The following SLC12A8 variants were observed in gnomAD, a reference collection of about 807,000 sequenced individuals.
SLC12A8 encodes the protein solute carrier family 12 member 8.
Under a neutral mutation model 75.6 loss-of-function variants are expected in SLC12A8, and 69 were observed. That is an observed-to-expected ratio of 0.91 (90% confidence interval 0.75 to 1.11). SLC12A8 has a LOEUF of 1.11. SLC12A8 is among the 50% of genes most tolerant of loss of function. The pLI is 0.00. For missense variants in SLC12A8, 877 were observed against 896.7 expected, an observed-to-expected ratio of 0.98 and a Z score of 0.28; for synonymous variants, 365 against 372.8, an observed-to-expected ratio of 0.98 and a Z score of 0.24.
At position 125,107,586 on chromosome 3, in the gene SLC12A8, AG is replaced by A; in HGVS notation, c.1599del (p.Cys534AlafsTer39). On this transcript the variant is annotated frameshift_variant, in exon 10 of 14. Coordinates refer to ENST00000469902, the MANE Select transcript of SLC12A8 (RefSeq NM_024628.6). LOFTEE classifies it high-confidence loss of function. ...LPAASWEGQE[S>X]CWNKQTSKSE... ...CTCTTGGAAGTCTGCTTGTTCCAGC[AG>A]GACTCCTGCCCCTCCCAGGAGGCAG... is the stretch of plus-strand genomic sequence containing the variant. 2 of 1,614,206 alleles carry A rather than the reference AG, an allele frequency of 1.2e-6. No individual in the cohort carries two copies. Among genetic ancestry groups the A allele is most frequent in the South Asian group, 1.1e-5 (1 of 91,084 alleles).
chr3:125,182,585 C>T lies in SLC12A8; in HGVS notation c.391-4611G>A, dbSNP rs533633573. Among the ~76,000 whole-genome samples the T allele has an allele frequency of 1.9e-3, 284 of 151,566 alleles. 1 individual carries two copies. Among genetic ancestry groups the T allele is most frequent in the African/African-American group, 6.6e-3 (273 of 41,278 alleles). ...GCAGCGGCGTGATCTCAGTTCACTGCAACCTCTGCCTCCTGGGTTCAAGTG... is the reference window on the plus strand; with the variant it reads ...GCAGCGGCGTGATCTCAGTTCACTGTAACCTCTGCCTCCTGGGTTCAAGTG... On this transcript the variant is annotated intron_variant, in intron 4 of 13. Transcript: ENST00000469902.
intron 5 of SLC12A8, among the ~76,000 whole-genome samples, chr3:125,140,697 CTT>C (rs71625781): frequency 4.7e-5 from 7 of 148,052 alleles, no homozygotes; most frequent in African/African-American, 1.5e-4. Context: ...CAGGAATTTC[CTT>C]TTTTTTTTTC....
chr3:125,106,727 C>T (rs747996853), intron 10 of SLC12A8, among the ~76,000 whole-genome samples: 7 of 152,130 alleles, frequency 4.6e-5, no homozygotes, highest in Non-Finnish European at 1.0e-4. Flanking sequence ...GTATATAGCT[C>T]CAGGGAGAGC....
chr3:125,107,294 T>C (rs895885396), intron 10 of SLC12A8, among the ~76,000 whole-genome samples, 187 bp downstream of exon 10: 5 of 152,254 alleles, frequency 3.3e-5, no homozygotes, highest in Non-Finnish European at 7.3e-5. Context: ...TAAAATTAAC[T>C]ATCTATAACA....
chr3:125,121,128 C>T (rs749322131), intron 6 of SLC12A8, among the ~76,000 whole-genome samples: 13 of 152,294 alleles, frequency 8.5e-5, no homozygotes, highest in Non-Finnish European at 1.5e-4. Context: ...CCTGTGTCCT[C>T]GGGGTCAGGT....
chr3:125,105,962 G>A (rs1939011437), intron 10 of SLC12A8, among the ~76,000 whole-genome samples: 1 of 152,180 alleles, frequency 6.6e-6, no homozygotes, highest in African/African-American at 2.4e-5. Context: ...CCCGGGAGGT[G>A]GAGGTTGCAG....
chr3:125,170,784 G>A (rs184440306), intron 5 of SLC12A8, among the ~76,000 whole-genome samples: 5 of 152,252 alleles, frequency 3.3e-5, no homozygotes, highest in Admixed American at 2.0e-4. Context: ...GCATGGTGGC[G>A]GGCGCCTGTA....
At chr3:125,116,641 C>T (rs1231071398) in intron 8 of SLC12A8, among the ~76,000 whole-genome samples, 1 of 152,192 alleles carries the variant, frequency 6.6e-6, no homozygotes, top group Non-Finnish European at 1.5e-5. Context: ...CTACTCTGAT[C>T]ATTCCCTTGA....
At chr3:125,209,215 C>T (rs1935289698) in intron 2 of SLC12A8, among the ~76,000 whole-genome samples, 1 of 152,196 alleles carries the variant, frequency 6.6e-6, no homozygotes. Context: ...ATCTGGGTGG[C>T]TTTGCTTATA....
At chr3:125,103,237 G>A (rs938045555) in intron 10 of SLC12A8, among the ~76,000 whole-genome samples, 1 of 151,944 alleles carries the variant, frequency 6.6e-6, no homozygotes, top group Admixed American at 6.6e-5. Flanking sequence ...CCTGTTCCCA[G>A]AATGCCCGTA....
chr3:125,149,181 G>A (rs548365801), intron 5 of SLC12A8, among the ~76,000 whole-genome samples: 4 of 152,364 alleles, frequency 2.6e-5, no homozygotes, highest in East Asian at 1.9e-4. Flanking sequence ...GAGTCACAGA[G>A]TGGGAGCAGA....
intron 6 of SLC12A8, among the ~76,000 whole-genome samples, chr3:125,130,519 G>C (rs372227851): frequency 2.0e-5 from 3 of 151,990 alleles, no homozygotes; most frequent in East Asian, 3.9e-4. Flanking sequence ...TTCAACCAGA[G>C]AGGCAGAGGT....
chr3:125,124,869 AG>A (rs1315272691), intron 6 of SLC12A8, among the ~76,000 whole-genome samples: 2 of 152,216 alleles, frequency 1.3e-5, no homozygotes, highest in African/African-American at 4.8e-5. Context: ...ACTATCATTA[AG>A]GTTAGAGTTA....
chr3:125,135,647 A>G (rs1933469724), intron 6 of SLC12A8, 22 bp downstream of exon 6: 1 of 1,521,496 alleles, frequency 6.6e-7, no homozygotes, highest in Middle Eastern at 1.7e-4. Context: ...TTGAGAGTAA[A>G]AAAGAACCCA....
At chr3:125,148,950 G>C (rs2107769862) in intron 5 of SLC12A8, among the ~76,000 whole-genome samples, 1 of 149,518 alleles carries the variant, frequency 6.7e-6, no homozygotes, top group South Asian at 2.1e-4. Context: ...CGTGCAGTGA[G>C]AGGAACACAA....
chr3:125,143,170 G>T (rs1365166812), intron 5 of SLC12A8, among the ~76,000 whole-genome samples: 2 of 152,238 alleles, frequency 1.3e-5, no homozygotes, highest in Admixed American at 1.3e-4. Flanking sequence ...CCCTAATTGA[G>T]AGTACAGTTT....
chr3:125,187,133 G>A (rs1183720526), intron 4 of SLC12A8, 104 bp downstream of exon 4: 1 of 1,162,444 alleles, frequency 8.6e-7, no homozygotes, highest in Non-Finnish European at 1.2e-6. Flanking sequence ...GTCACATGCG[G>A]CAATTGTCCC....
intron 1 of SLC12A8, among the ~76,000 whole-genome samples, chr3:125,211,956 C>G (rs1301090766): frequency 6.6e-6 from 1 of 152,042 alleles, no homozygotes; most frequent in Non-Finnish European, 1.5e-5. Context: ...CCTCAACCCA[C>G]CCCCAGGCAC....
intron 6 of SLC12A8, among the ~76,000 whole-genome samples, chr3:125,121,100 C>A (rs1933048527): frequency 6.6e-6 from 1 of 152,244 alleles, no homozygotes; most frequent in Non-Finnish European, 1.5e-5. Flanking sequence ...CTGCTGCCTG[C>A]TGATTCCATG....
Sources: gnomAD v4.1 joint callset for allele counts (sites outside exome capture counted in the v4.1 genomes callset) on GRCh38, gnomAD v4.1.1 for gene constraint, MANE v1.5 for transcripts, NCBI Gene and HGNC (gene_info 2026-07-23, HGNC 2026-07-21) for gene names.